The following MAP3K9 variants were observed in gnomAD, a reference collection of about 807,000 sequenced individuals.
The protein encoded by MAP3K9 is mitogen-activated protein kinase kinase kinase 9, also known as mixed lineage kinase 1 (tyr and ser/thr specificity).
In MAP3K9, 46 loss-of-function variants were observed where a neutral mutation model predicts 95.8. The observed-to-expected ratio is 0.48, with a 90% CI of 0.38 to 0.61. The LOEUF (loss-of-function observed/expected upper bound fraction) is 0.61, where lower values mean the gene tolerates loss of function less well. Ranked by LOEUF, MAP3K9 falls within the 20% of genes least tolerant of loss-of-function variation. MAP3K9 has a pLI of 0.00. For missense variants in MAP3K9, 1,296 were observed against 1,474.3 expected (o/e 0.88, Z 1.98); for synonymous variants, 533 against 593.8 (o/e 0.90, Z 1.49).
At chr14:70,740,240 C>T in intron 6 of MAP3K9, 76 bp from the exon 7 acceptor site, 1 of 1,492,734 alleles carries the variant, frequency 6.7e-7, no homozygotes, top group Non-Finnish European at 9.1e-7. Context: ...TATGACATTC[C>T]TCAGCATCCT....
chr14:70,780,659 G>A (rs1011834074), intron 2 of MAP3K9, among the ~76,000 whole-genome samples: 3 of 152,078 alleles, frequency 2.0e-5, no homozygotes, highest in African/African-American at 7.2e-5. Flanking sequence ...TCATCCAGGC[G>A]CAGATATCAC....
At chr14:70,778,079 T>G (rs1487430064) in intron 2 of MAP3K9, among the ~76,000 whole-genome samples, 1 of 142,742 alleles carries the variant, frequency 7.0e-6, no homozygotes, top group African/African-American at 2.5e-5. Flanking sequence ...CCTTTTGTTT[T>G]TTGTTGTTTG....
At chr14:70,750,450 C>T (rs992155189) in intron 3 of MAP3K9, among the ~76,000 whole-genome samples, 22 of 152,104 alleles carry the variant, frequency 1.4e-4, no homozygotes, top group Admixed American at 2.6e-4. Context: ...TGCCCAATGG[C>T]CATAGCTCTT....
intron 2 of MAP3K9, among the ~76,000 whole-genome samples, chr14:70,794,156 A>G (rs894307881): frequency 6.6e-6 from 1 of 152,234 alleles, no homozygotes; most frequent in Non-Finnish European, 1.5e-5. Context: ...AGGGGAGACC[A>G]GCTTGGCTAA....
At position 70,800,687 on chromosome 14, in the gene MAP3K9, C is replaced by T. The variant is rs773099721; in HGVS notation, c.800G>A (p.Arg267His). 1 of 1,613,690 alleles carries T rather than the reference C, an allele frequency of 6.2e-7. No homozygotes were observed. Among genetic ancestry groups the T allele is most frequent in the Non-Finnish European group, 8.5e-7 (1 of 1,179,812 alleles). ...CTCACTGTTGCTGGACTTAAGGTCG[C>T]GGTGGATGATGGGAACAATTGCCTC... The part of the protein sequence containing the change: ...HDEAIVPIIH[R>H]DLKSSNILIL... Residue 267 changes from arginine (R) to histidine (H), a missense_variant, in exon 2 of 12, where the codon CGC becomes CAC. Physicochemically the swap from Arg to His is conservative, Grantham distance 29. Transcript: ENST00000554752.
chr14:70,800,954 T>C lies in MAP3K9; in HGVS notation c.533A>G (p.Asp178Gly). The change falls in exon 2 of 12, where the codon GAT becomes GGT. Residue 178 changes from aspartate to glycine, a missense_variant. Asp to Gly is a moderately conservative substitution (Grantham distance 94). This residue lies in a region of MAP3K9 where 338 missense variants were observed against 363.4 expected (regional missense o/e 0.93). Coordinates refer to ENST00000554752, the MANE Select transcript of MAP3K9 (RefSeq NM_001284230.2). ...VAVKAARHDP[D>G]EDISQTIENV... ...CTCTATGGTCTGGCTGATGTCCTCA[T>C]CAGGGTCGTGGCGAGCTGCTTTCAC... 1.2e-5 allele frequency: 20 copies of C among 1,614,188 alleles called. No individual in the cohort carries two copies. Among genetic ancestry groups the C allele is most frequent in the Non-Finnish European group, 1.7e-5 (20 of 1,180,032 alleles).
chr14:70,730,546 G>A lies in MAP3K9; in HGVS notation c.3149C>T (p.Pro1050Leu), dbSNP rs1287957693. The change falls in exon 12 of 12, where the codon CCA becomes CTA. Residue 1050 changes from proline (P) to leucine (L), a missense_variant. Around this residue, in one of 5 missense-constraint regions of MAP3K9, gnomAD observed 433 missense variants for 441.4 expected, o/e 0.98. Transcript: ENST00000554752. ...CCCTGCCTGGAACGGGAGCAGGGCT[G>A]GAAGTCCAGGCCGCTCCTCTACAGT... ...SSTVEERPGL[P>L]ALLPFQAGPL... 2 of 1,614,000 alleles carry A rather than the reference G, an allele frequency of 1.2e-6. No individual in the cohort carries two copies. The highest frequency in any genetic ancestry group is 8.5e-7 in the Non-Finnish European group (1 of 1,180,036).
intron 2 of MAP3K9, among the ~76,000 whole-genome samples, chr14:70,778,335 G>A (rs183666271): frequency 1.4e-5 from 2 of 148,084 alleles, no homozygotes; most frequent in East Asian, 2.0e-4. Context: ...GGAGTGTCAC[G>A]ACGCGATCTC....
Position 70,723,056 on chromosome 14 carries a change from G to A in MAP3K9, c.*7324C>T, listed in dbSNP as rs1233688421. 1 of 152,166 alleles carries A rather than the reference G, an allele frequency of 6.6e-6. No homozygotes were observed. Among genetic ancestry groups the A allele is most frequent in the Non-Finnish European group, 1.5e-5 (1 of 68,062 alleles). The allele number at this position is 152,166 out of a possible 1,614,324, so 9.4% of individuals were successfully genotyped here. ...GGTTTCGGTGGGGAGTGCAGGATGA[G>A]TAGGGAGGGAAATCAGAAAAGAAAG... On this transcript the variant is annotated 3_prime_UTR_variant, in exon 12 of 12. Transcript: ENST00000554752.
rs147084444 is a variant in MAP3K9 at position 70,770,844 on chromosome 14, C to G, written c.821-9662G>C. ...CCTGTGTCCTGTACCCCACTCCCCT[C>G]TTTACTGATTCCTTCCCCTGCTTCG... On this transcript the variant is annotated intron_variant, in intron 2 of 11. Coordinates refer to ENST00000554752, the MANE Select transcript of MAP3K9 (RefSeq NM_001284230.2). Among the ~76,000 whole-genome samples the G allele has an allele frequency of 3.3e-5, 5 of 152,308 alleles. No individual in the cohort carries two copies. In the East Asian group the frequency reaches 9.6e-4, roughly 29 times the overall value.
Position 70,728,710 on chromosome 14 carries a change from C to T in MAP3K9, c.*1670G>A, listed in dbSNP as rs1259935438. The T allele has an allele frequency of 1.3e-5, 2 of 152,168 alleles. No individual in the cohort carries two copies. The highest frequency in any genetic ancestry group is 2.9e-5 in the Non-Finnish European group (2 of 68,040). The allele number at this position is 152,168 out of a possible 1,614,324, so 9.4% of individuals were successfully genotyped here. On this transcript the variant is annotated 3_prime_UTR_variant, in exon 12 of 12. Coordinates refer to ENST00000554752, the MANE Select transcript of MAP3K9 (RefSeq NM_001284230.2). ...CTCATAAAGCAAGGAACAAGGTCAC[C>T]CCTTTAGTGACCCCAAGGCAGGACA...
chr14:70,800,227 G>A (rs1404909731), intron 2 of MAP3K9, among the ~76,000 whole-genome samples: 2 of 152,092 alleles, frequency 1.3e-5, no homozygotes, highest in African/African-American at 4.8e-5. Context: ...TCTTCTTACA[G>A]TCCCTTCTGT....
At chr14:70,787,884 C>T (rs1044824408) in intron 2 of MAP3K9, among the ~76,000 whole-genome samples, 5 of 152,030 alleles carry the variant, frequency 3.3e-5, no homozygotes, top group African/African-American at 1.2e-4. Context: ...TGGGCTGCTA[C>T]ATGCGAAGTC....
At chr14:70,744,847 T>G (rs532336536) in intron 5 of MAP3K9, among the ~76,000 whole-genome samples, 2 of 152,228 alleles carry the variant, frequency 1.3e-5, no homozygotes, top group East Asian at 1.9e-4. Context: ...AAAGTCCCAT[T>G]TGGAATTGCA....
In MAP3K9 at chr14:70,733,220, T is replaced by C; in HGVS notation, c.2149A>G (p.Ile717Val). Residue 717 changes from isoleucine to valine, a missense_variant, in exon 11 of 12, where the codon ATC becomes GTC. By Grantham distance (29) the Ile-to-Val change is conservative. Coordinates refer to ENST00000554752, the MANE Select transcript of MAP3K9 (RefSeq NM_001284230.2). ...EDGDGPSSDG[I>V]HEEPTPVNSA... ...TTGACTGGGGTGGGCTCCTCATGGA[T>C]TCCATCACTGGAGGGGCCATCGCCA... is the stretch of plus-strand genomic sequence containing the variant. 1 of 1,611,752 alleles carries C rather than the reference T, an allele frequency of 6.2e-7. No homozygotes were observed. Among genetic ancestry groups the C allele is most frequent in the Non-Finnish European group, 8.5e-7 (1 of 1,178,334 alleles).
intron 2 of MAP3K9, among the ~76,000 whole-genome samples, chr14:70,770,767 C>T (rs1208219228): frequency 1.3e-5 from 2 of 152,114 alleles, no homozygotes; most frequent in Non-Finnish European, 2.9e-5. Flanking sequence ...CCATCCTCTA[C>T]GTCTGGTACA....
intron 3 of MAP3K9, 151 bp downstream of exon 3, chr14:70,760,851 T>C (rs974213088): frequency 1.3e-6 from 1 of 763,412 alleles, no homozygotes. Flanking sequence ...CCTGGCAATA[T>C]GGGAATTGGC....
Position 70,756,356 on chromosome 14 carries a change from AC to A in MAP3K9, c.1001+4645del, listed in dbSNP as rs570312724. 7.9e-5 allele frequency among the ~76,000 whole-genome samples: 12 copies of A among 152,318 alleles called. No individual in the cohort carries two copies. The South Asian group carries it at 2.5e-3, about 32-fold the overall frequency. On this transcript the variant is annotated intron_variant, in intron 3 of 11. Transcript: ENST00000554752. ...CTGGGAGAAGAAACCTAGTGGGAATACTGGAGGTAGAAAACAATCATGTTAC... is the reference window on the plus strand; with the variant it reads ...CTGGGAGAAGAAACCTAGTGGGAATATGGAGGTAGAAAACAATCATGTTAC...
At chr14:70,784,939 A>C (rs2054728815) in intron 2 of MAP3K9, among the ~76,000 whole-genome samples, 1 of 152,192 alleles carries the variant, frequency 6.6e-6, no homozygotes, top group Non-Finnish European at 1.5e-5. Context: ...AGTCCCCAAG[A>C]CCAGGTTTAA....
Sources: allele counts gnomAD v4.1 joint callset (sites outside exome capture counted in the v4.1 genomes callset), GRCh38; gene constraint gnomAD v4.1.1; regional missense constraint gnomAD v4.1.1; transcripts MANE v1.5; gene names NCBI Gene and HGNC (gene_info 2026-07-23, HGNC 2026-07-21).